TBL1XR1: variants seen among roughly 807,000 people sequenced by gnomAD.
TBL1XR1 encodes F-box-like/WD repeat-containing protein TBL1XR1.
In TBL1XR1, 5 loss-of-function variants were observed where a neutral mutation model predicts 66.9. The ratio of observed to expected loss-of-function variants is 0.07; its 90% CI spans 0.04 to 0.16. TBL1XR1 has a LOEUF of 0.16. TBL1XR1 is among the 10% of genes least tolerant of loss of function. The pLI is 1.00. For synonymous variants in TBL1XR1, 210 were observed against 206.0 expected (o/e 1.02, Z -0.17); for missense variants, 238 against 623.2 (o/e 0.38, Z 6.58).
chr3:177,042,448 C>A (rs988453265), intron 10 of TBL1XR1, among the ~76,000 whole-genome samples: 1 of 152,036 alleles, frequency 6.6e-6, no homozygotes, highest in African/African-American at 2.4e-5. Context: ...AAAAACAAAA[C>A]CAAACTACAT....
Position 177,145,068 on chromosome 3 carries a change from T to G in TBL1XR1, c.-121-46527A>C, listed in dbSNP as rs1279881698. On this transcript the variant is annotated intron_variant, in intron 1 of 15. Transcript: ENST00000457928. ...GCTGATTTTGTTGACTGTTTAATTA[T>G]AACTTCAAGTGGTACCAGGCAAGCT... Among the ~76,000 whole-genome samples, 4 of 152,234 alleles carry G rather than the reference T, an allele frequency of 2.6e-5. No homozygotes were observed. In the East Asian group the frequency reaches 5.8e-4, roughly 22 times the overall value.
intron 13 of TBL1XR1, among the ~76,000 whole-genome samples, chr3:177,033,955 G>A (rs1289493626): frequency 6.6e-6 from 1 of 151,872 alleles, no homozygotes; most frequent in African/African-American, 2.4e-5. Context: ...TGAGAAGAGA[G>A]GTGAGGAATA....
chr3:177,042,185 C>A (rs1005585227), intron 10 of TBL1XR1, among the ~76,000 whole-genome samples: 2 of 152,012 alleles, frequency 1.3e-5, no homozygotes, highest in Admixed American at 6.6e-5. Context: ...AAATACAATT[C>A]TAAAAATTTT....
chr3:177,036,417 C>G (rs1714792792), intron 12 of TBL1XR1, among the ~76,000 whole-genome samples: 1 of 152,222 alleles, frequency 6.6e-6, no homozygotes, highest in African/African-American at 2.4e-5. Context: ...CATTATCCAT[C>G]CATCCTAGTT....
At chr3:177,083,448 A>G (rs1245248182) in intron 2 of TBL1XR1, among the ~76,000 whole-genome samples, 2 of 152,226 alleles carry the variant, frequency 1.3e-5, no homozygotes, top group East Asian at 3.8e-4. Context: ...AGCTTAATGC[A>G]CAGGCAGAAA....
At chr3:177,153,693 G>C (rs1299034768) in intron 1 of TBL1XR1, among the ~76,000 whole-genome samples, 1 of 152,042 alleles carries the variant, frequency 6.6e-6, no homozygotes, top group Non-Finnish European at 1.5e-5. Context: ...TTTGAGACCA[G>C]CCTGGCAGAC....
At chr3:177,138,996 T>C (rs1577284919) in intron 1 of TBL1XR1, among the ~76,000 whole-genome samples, 1 of 152,098 alleles carries the variant, frequency 6.6e-6, no homozygotes, top group Non-Finnish European at 1.5e-5. Flanking sequence ...CCAATATACA[T>C]ACTGCAACAG....
At chr3:177,101,286 CA>C (rs1474559426) in intron 1 of TBL1XR1, among the ~76,000 whole-genome samples, 1 of 149,626 alleles carries the variant, frequency 6.7e-6, no homozygotes, top group Non-Finnish European at 1.5e-5. Context: ...GTTTTAGATG[CA>C]ATTTTTTTTT....
At chr3:177,048,089 C>T (rs998284241) in intron 7 of TBL1XR1, among the ~76,000 whole-genome samples, 7 of 152,014 alleles carry the variant, frequency 4.6e-5, no homozygotes, top group Admixed American at 3.9e-4. Flanking sequence ...TAATCCCTTC[C>T]CACTATGAAA....
At chr3:177,046,345 T>C (rs891199795) in intron 9 of TBL1XR1, among the ~76,000 whole-genome samples, 156 bp from the exon 10 acceptor site, 1 of 152,196 alleles carries the variant, frequency 6.6e-6, no homozygotes, top group African/African-American at 2.4e-5. Context: ...CTATATACTT[T>C]GGGAGAAAAT....
At chr3:177,095,405 C>T (rs1026222019) in intron 2 of TBL1XR1, among the ~76,000 whole-genome samples, 1 of 151,616 alleles carries the variant, frequency 6.6e-6, no homozygotes, top group Non-Finnish European at 1.5e-5. Flanking sequence ...ATGGGTCCTA[C>T]TAATGCAATA....
At chr3:177,192,665 C>G (rs1416919909) in intron 1 of TBL1XR1, among the ~76,000 whole-genome samples, 1 of 152,010 alleles carries the variant, frequency 6.6e-6, no homozygotes, top group Non-Finnish European at 1.5e-5. Context: ...GACATTATGC[C>G]CCTACTAAAA....
At chr3:177,076,627 G>A (rs1340296721) in intron 2 of TBL1XR1, among the ~76,000 whole-genome samples, 2 of 152,112 alleles carry the variant, frequency 1.3e-5, no homozygotes, top group Non-Finnish European at 2.9e-5. Flanking sequence ...CTTCCATGCT[G>A]TAGAAGACAG....
chr3:177,174,638 C>A (rs1733949460), intron 1 of TBL1XR1, among the ~76,000 whole-genome samples: 1 of 152,036 alleles, frequency 6.6e-6, no homozygotes, highest in Non-Finnish European at 1.5e-5. Flanking sequence ...TTTTCAATAC[C>A]ACTCTCTTAT....
At chr3:177,129,467 C>T (rs1728027400) in intron 1 of TBL1XR1, among the ~76,000 whole-genome samples, 1 of 152,142 alleles carries the variant, frequency 6.6e-6, no homozygotes, top group South Asian at 2.1e-4. Context: ...AAATAAATCT[C>T]TTATAATGCT....
At chr3:177,065,433 G>T (rs1337400227) in intron 2 of TBL1XR1, among the ~76,000 whole-genome samples, 1 of 152,180 alleles carries the variant, frequency 6.6e-6, no homozygotes, top group Non-Finnish European at 1.5e-5. Context: ...AAAGACCATT[G>T]GGTGGGGTAG....
At chr3:177,198,587 ATCTT>A (rs1292445318), upstream of TBL1XR1, among the ~76,000 whole-genome samples, 2 of 152,170 alleles carry the variant, frequency 1.3e-5, no homozygotes, top group Non-Finnish European at 2.9e-5. Context: ...TGGGGTGGTA[ATCTT>A]TCTAAGACTT....
At chr3:177,036,653 T>G (rs1031737924) in intron 12 of TBL1XR1, among the ~76,000 whole-genome samples, 2 of 152,162 alleles carry the variant, frequency 1.3e-5, no homozygotes, top group African/African-American at 4.8e-5. Flanking sequence ...AAGCCAAAGA[T>G]GAAAGCATTA....
In TBL1XR1 at chr3:177,096,335, T is replaced by TACACACAC. The variant is rs6148210; in HGVS notation, c.-46+2123_-46+2130dup. ...TCTAACACACACTAACATACATACA[T>TACACACAC]ACACACACACACACACACTTAAATT... is the stretch of plus-strand genomic sequence containing the variant. On this transcript the variant is annotated intron_variant, in intron 2 of 15. Coordinates refer to ENST00000457928, the MANE Select transcript of TBL1XR1 (RefSeq NM_024665.7). Among the ~76,000 whole-genome samples the TACACACAC allele has an allele frequency of 1.6e-3, 241 of 150,316 alleles. 1 individual carries two copies. In the South Asian group the frequency reaches 0.023, roughly 15 times the overall value.
Sources: gnomAD v4.1 joint callset for allele counts (sites outside exome capture counted in the v4.1 genomes callset) on GRCh38, gnomAD v4.1.1 for gene constraint, MANE v1.5 for transcripts, NCBI Gene and HGNC (gene_info 2026-07-23, HGNC 2026-07-21) for gene names.